Variants in PUSL1 observed in about 807,000 individuals in gnomAD.
PUSL1 encodes the protein tRNA pseudouridine synthase-like 1.
Under a neutral mutation model 30.7 loss-of-function variants are expected in PUSL1, and 51 were observed. The observed-to-expected ratio is 1.66, with a 90% CI of 1.33 to 2.10. PUSL1 has a LOEUF of 2.10. Ranked by LOEUF, PUSL1 falls within the 30% of genes most tolerant of loss-of-function variation. The pLI is 0.00. For missense variants in PUSL1, 609 were observed against 427.6 expected (o/e 1.42, Z -3.74); for synonymous variants, 290 against 192.1 (o/e 1.51, Z -4.21).
At position 1,308,983 on chromosome 1, in the gene PUSL1, C is replaced by T. The variant is rs778393614; in HGVS notation, c.135+11C>T. ...CAGAACTACCTGGAGGTGCGCTCAG[C>T]CGGTCACGGGACGCCCGGTGAGGGG... On this transcript the variant is annotated intron_variant, in intron 2 of 7. Coordinates refer to ENST00000379031, the MANE Select transcript of PUSL1 (RefSeq NM_153339.3). 5.7e-6 allele frequency: 8 copies of T among 1,406,978 alleles called. No homozygotes were observed. The South Asian group carries it at 8.0e-5, about 14-fold the overall frequency. 87.2% of individuals were successfully genotyped at this position (1,406,978 alleles called of 1,614,324 possible). A position where few individuals can be genotyped will look rare whatever the true frequency, so the allele number is the denominator to read the frequency against.
Position 1,308,918 on chromosome 1 carries a change from G to A in PUSL1, c.81G>A (p.Gly27=). The change falls in exon 2 of 8, where the codon GGG becomes GGA. Residue 27 remains glycine, a synonymous_variant. Transcript: ENST00000379031. ...YFQYVGTDFN[G]VAAVRGTQRA... Reference sequence around the variant, plus strand: ...CTCCGCCCGCTTCTGCCCGCAGCGGGGTCGCGGCCGTCAGGGGCACTCAGC... The same window carrying A: ...CTCCGCCCGCTTCTGCCCGCAGCGGAGTCGCGGCCGTCAGGGGCACTCAGC... 1 of 1,418,312 alleles carries A rather than the reference G, an allele frequency of 7.1e-7. No individual in the cohort carries two copies. The highest frequency in any genetic ancestry group is 9.2e-7 in the Non-Finnish European group (1 of 1,088,952). The allele number at this position is 1,418,312 out of a possible 1,614,324, so 87.9% of individuals were successfully genotyped here. A position where few individuals can be genotyped will look rare whatever the true frequency, so the allele number is the denominator to read the frequency against.
chr1:1,308,813 G>A lies in PUSL1; in HGVS notation c.77+93G>A, dbSNP rs1033631014. 34 of 1,441,994 alleles carry A rather than the reference G, an allele frequency of 2.4e-5. No homozygotes were observed. The African/African-American group carries it at 4.2e-4, about 18-fold the overall frequency. 89.3% of individuals were successfully genotyped at this position (1,441,994 alleles called of 1,614,324 possible). On this transcript the variant is annotated intron_variant, in intron 1 of 7. Coordinates refer to ENST00000379031, the MANE Select transcript of PUSL1 (RefSeq NM_153339.3). ...CGGGCAGGCGGATGTCTCTGGACGCGGGTTCCAAACGTTCGGGGAAGGAAG... is the reference window on the plus strand; with the variant it reads ...CGGGCAGGCGGATGTCTCTGGACGCAGGTTCCAAACGTTCGGGGAAGGAAG...
In PUSL1 at chr1:1,309,227, G is replaced by T. The variant is rs768935562; in HGVS notation, c.277G>T (p.Val93Phe). 12 of 1,516,656 alleles carry T rather than the reference G, an allele frequency of 7.9e-6. No individual in the cohort carries two copies. In the East Asian group the frequency reaches 2.6e-4, roughly 33 times the overall value. The allele number at this position is 1,516,656 out of a possible 1,614,324, so 93.9% of individuals were successfully genotyped here. A position where few individuals can be genotyped will look rare whatever the true frequency, so the allele number is the denominator to read the frequency against. ...AGGCCGGCCGCCCTTCCCGCCCGAG[G>T]TCCTGGCCGAGGCCCTCAACACACA... is the stretch of plus-strand genomic sequence containing the variant. ...RSGRPPFPPE[V>F]LAEALNTHLR... Residue 93 changes from valine (V) to phenylalanine (F), a missense_variant, in exon 3 of 8, where the codon GTC (valine) becomes TTC (phenylalanine). Transcript: ENST00000379031.
At position 1,311,049 on chromosome 1, in the gene PUSL1, G is replaced by A. The variant is rs773076061; in HGVS notation, c.840G>A (p.Lys280=). 5.6e-6 allele frequency: 9 copies of A among 1,610,354 alleles called. No individual in the cohort carries two copies. In the Middle Eastern group the frequency reaches 5.0e-4, roughly 89 times the overall value. The change falls in exon 7 of 8, where the codon AAG becomes AAA. Residue 280 remains lysine, a synonymous_variant. Transcript: ENST00000379031. ...RVAPAHGLFL[K]SVLYGNLGAA... Reference sequence around the variant, plus strand: ...CCCCAGCCCACGGCTTATTCCTCAAGTCAGTGCTGTACGGGAACCTCGGTA... The same window carrying A: ...CCCCAGCCCACGGCTTATTCCTCAAATCAGTGCTGTACGGGAACCTCGGTA...
Position 1,309,752 on chromosome 1 carries a change from A to G in PUSL1, c.545A>G (p.Gln182Arg). Residue 182 changes from glutamine to arginine, a missense_variant, in exon 5 of 8, where the codon CAG becomes CGG. Physicochemically the swap from Gln to Arg is conservative, Grantham distance 43. Coordinates refer to ENST00000379031, the MANE Select transcript of PUSL1 (RefSeq NM_153339.3). ...GGCACACACGACTTCAGCGCCTTCC[A>G]GTCCGCTGGCAGCCCGGTGCCGAGC... ...LLGTHDFSAF[Q>R]SAGSPVPSPV... is the part of the protein sequence containing the mutation. The G allele has an allele frequency of 6.3e-7, 1 of 1,591,012 alleles. No homozygotes were observed. Among genetic ancestry groups the G allele is most frequent in the Non-Finnish European group, 8.6e-7 (1 of 1,169,182 alleles).
In PUSL1 at chr1:1,311,507, G is replaced by C; in HGVS notation, c.*128G>C. On this transcript the variant is annotated 3_prime_UTR_variant, in exon 8 of 8. Coordinates refer to ENST00000379031, the MANE Select transcript of PUSL1 (RefSeq NM_153339.3). Reference sequence around the variant, plus strand: ...TCTCCACAGTAGCCTCCCTGCCCGGGTCCCAGCACCCTGGATGCCCGTCTC... The same window carrying C: ...TCTCCACAGTAGCCTCCCTGCCCGGCTCCCAGCACCCTGGATGCCCGTCTC... The C allele has an allele frequency of 1.0e-6, 1 of 996,520 alleles. No individual in the cohort carries two copies. The highest frequency in any genetic ancestry group is 1.4e-5 in the South Asian group (1 of 73,332). The allele number at this position is 996,520 out of a possible 1,614,324, so 61.7% of individuals were successfully genotyped here.
rs1353271319 is a variant in PUSL1 at position 1,308,600 on chromosome 1, C to A, written c.-44C>A. 3.8e-6 allele frequency: 4 copies of A among 1,046,396 alleles called. No homozygotes were observed. Among genetic ancestry groups the A allele is most frequent in the Non-Finnish European group, 3.8e-6 (3 of 781,148 alleles). The allele number at this position is 1,046,396 out of a possible 1,614,324, so 64.8% of individuals were successfully genotyped here. ...GCCGCGTCCGCGCGCGCGCAGGATT[C>A]CTGCGCTGGAGGCCGCCTCTGACGC... On this transcript the variant is annotated 5_prime_UTR_variant, in exon 1 of 8. Coordinates refer to ENST00000379031, the MANE Select transcript of PUSL1 (RefSeq NM_153339.3).
chr1:1,308,753 G>C (rs1032916531), intron 1 of PUSL1, 33 bp downstream of exon 1: 1 of 1,496,964 alleles, frequency 6.7e-7, no homozygotes, highest in Non-Finnish European at 8.9e-7. Context: ...CGGGCGCCAC[G>C]TGGGCCCGGG....
Position 1,309,166 on chromosome 1 carries a change from G to A in PUSL1, c.216G>A (p.Leu72=), listed in dbSNP as rs1048397196. Residue 72 remains leucine, a synonymous_variant, in exon 3 of 8, where the codon CTG becomes CTA. Coordinates refer to ENST00000379031, the MANE Select transcript of PUSL1 (RefSeq NM_153339.3). The part of the protein sequence containing the change: ...SSRTDAGVHA[L]SNAAHLDVQR... ...GCACGGACGCCGGGGTCCACGCCCT[G>A]AGCAACGCGGCGCACCTGGACGTCC... The A allele has an allele frequency of 1.3e-6, 2 of 1,537,476 alleles. No homozygotes were observed. The highest frequency in any genetic ancestry group is 1.7e-6 in the Non-Finnish European group (2 of 1,150,154).
At chr1:1,310,221 C>T (rs950911608) in intron 5 of PUSL1, 5 of 350,606 alleles carry the variant, frequency 1.4e-5, no homozygotes, top group African/African-American at 2.1e-5. Flanking sequence ...CCAGAACCTC[C>T]CCTATTGGGG....
At chr1:1,310,222 C>T (rs1642045427) in intron 5 of PUSL1, 1 of 348,378 alleles carries the variant, frequency 2.9e-6, no homozygotes. Flanking sequence ...CAGAACCTCC[C>T]CTATTGGGGT....
chr1:1,310,627 T>C lies in PUSL1; in HGVS notation c.645-7T>C, dbSNP rs1386037100. 4 of 1,559,962 alleles carry C rather than the reference T, an allele frequency of 2.6e-6. No homozygotes were observed. The highest frequency in any genetic ancestry group is 3.5e-6 in the Non-Finnish European group (4 of 1,149,758). On this transcript the variant is annotated splice_region_variant and splice_polypyrimidine_tract_variant and intron_variant, in intron 5 of 7. Coordinates refer to ENST00000379031, the MANE Select transcript of PUSL1 (RefSeq NM_153339.3). ...CCACAGACACCTACAGGTACGTATT[T>C]TTCCAGGAAGCTGCGGTTCTGGAAC...
chr1:1,310,825 G>A (rs758422124), intron 6 of PUSL1, 84 bp from the exon 7 acceptor site: 32 of 1,610,996 alleles, frequency 2.0e-5, no homozygotes, highest in Middle Eastern at 1.7e-4. Flanking sequence ...GGTCACGGGC[G>A]GCTCTGGGTC....
Position 1,309,481 on chromosome 1 carries a change from C to A in PUSL1, c.351C>A (p.Ser117Arg), listed in dbSNP as rs1413409113. ...IRVLRAFRVPSDFHARHAATS... is the reference protein window; with the variant it reads ...IRVLRAFRVPRDFHARHAATS... ...TCCTGCGGGCCTTCCGAGTGCCCAG[C>A]GACTTCCACGCTCGTCACGCAGCCA... The change falls in exon 4 of 8, where the codon AGC becomes AGA. Residue 117 changes from serine to arginine, a missense_variant. Ser to Arg is a moderately radical substitution (Grantham distance 110, BLOSUM62 -1). Transcript: ENST00000379031. 6.2e-7 allele frequency: 1 copy of A among 1,606,672 alleles called. No individual in the cohort carries two copies. The highest frequency in any genetic ancestry group is 8.5e-7 in the Non-Finnish European group (1 of 1,177,166).
chr1:1,309,393 C>T (rs1260140759), intron 3 of PUSL1, 61 bp from the exon 4 acceptor site: 2 of 1,518,150 alleles, frequency 1.3e-6, no homozygotes, highest in Non-Finnish European at 1.8e-6. Context: ...GGAAGGAGAG[C>T]CAATGTGACA....
Position 1,309,071 on chromosome 1 carries a change from G to A in PUSL1, c.136-15G>A. 1.4e-6 allele frequency: 2 copies of A among 1,418,324 alleles called. No homozygotes were observed. Among genetic ancestry groups the A allele is most frequent in the Non-Finnish European group, 1.8e-6 (2 of 1,096,280 alleles). The allele number at this position is 1,418,324 out of a possible 1,614,324, so 87.9% of individuals were successfully genotyped here. A position where few individuals can be genotyped will look rare whatever the true frequency, so the allele number is the denominator to read the frequency against. On this transcript the variant is annotated splice_polypyrimidine_tract_variant and intron_variant, in intron 2 of 7. Coordinates refer to ENST00000379031, the MANE Select transcript of PUSL1 (RefSeq NM_153339.3). ...GGCCTCGCTCACCCGCCCGCCCCGC[G>A]GCTCGGTCCTGCAGGAGGCCGCCGA... is the stretch of plus-strand genomic sequence containing the variant.
chr1:1,308,846 G>A, intron 1 of PUSL1, 69 bp from the exon 2 acceptor site: 3 of 1,426,808 alleles, frequency 2.1e-6, no homozygotes, highest in South Asian at 1.4e-5. Flanking sequence ...AAGCGGCCCT[G>A]GCCTCAGACG....
intron 5 of PUSL1, chr1:1,310,393 G>C: frequency 1.9e-6 from 1 of 529,120 alleles, no homozygotes; most frequent in Non-Finnish European, 3.4e-6. Context: ...GGATGGCCAG[G>C]CTACCTGCCC....
Position 1,309,837 on chromosome 1 carries a change from C to A in PUSL1, c.630C>A (p.Thr210=), listed in dbSNP as rs1251025887. The A allele has an allele frequency of 6.6e-7, 1 of 1,526,288 alleles. No homozygotes were observed. The highest frequency in any genetic ancestry group is 2.5e-5 in the East Asian group (1 of 40,468). The allele number at this position is 1,526,288 out of a possible 1,614,324, so 94.5% of individuals were successfully genotyped here. The change falls in exon 5 of 8, where the codon ACC becomes ACA. Residue 210 remains threonine (T), a synonymous_variant. Coordinates refer to ENST00000379031, the MANE Select transcript of PUSL1 (RefSeq NM_153339.3). Reference sequence around the variant, plus strand: ...CAGGCCAAGCCAGCCCCTTGGTCACCCCCGAGGAGAGCAGGTGAGGAAGGG... The same window carrying A: ...CAGGCCAAGCCAGCCCCTTGGTCACACCCGAGGAGAGCAGGTGAGGAAGGG... ...VSPGQASPLV[T]PEESRKLRFW...
Sources: allele counts gnomAD v4.1 joint callset, GRCh38; gene constraint gnomAD v4.1.1; transcripts MANE v1.5; gene names NCBI Gene and HGNC (gene_info 2026-07-23, HGNC 2026-07-21).